The following MGMT variants were observed in gnomAD, a reference collection of about 807,000 sequenced individuals.
MGMT encodes the protein O-6-methylguanine-DNA methyltransferase, also known as methylated-DNA--protein-cysteine methyltransferase.
Under a neutral mutation model 15.9 loss-of-function variants are expected in MGMT, and 14 were observed. The observed-to-expected ratio is 0.88, with a 90% CI of 0.58 to 1.37. The LOEUF (loss-of-function observed/expected upper bound fraction) is 1.37. Ranked by LOEUF, MGMT falls within the 40% of genes most tolerant of loss-of-function variation. The pLI, the probability that MGMT is intolerant of heterozygous loss-of-function variation, is 0.00. For synonymous variants in MGMT, 130 were observed against 118.2 expected, an observed-to-expected ratio of 1.10 and a Z score of -0.65; for missense variants, 282 against 268.1, an observed-to-expected ratio of 1.05 and a Z score of -0.36.
At chr10:129,733,894 A>G (rs1297637553) in intron 3 of MGMT, among the ~76,000 whole-genome samples, 6 of 151,714 alleles carry the variant, frequency 4.0e-5, no homozygotes, top group Non-Finnish European at 7.4e-5. Context: ...ATTTCTGAGG[A>G]CTCTGTTCTG....
intron 2 of MGMT, among the ~76,000 whole-genome samples, chr10:129,705,110 G>A (rs1028257691): frequency 1.3e-5 from 2 of 152,228 alleles, no homozygotes; most frequent in Admixed American, 6.5e-5. Flanking sequence ...TGGTCATGGT[G>A]TCACCACGCA....
intron 3 of MGMT, among the ~76,000 whole-genome samples, chr10:129,708,668 A>G (rs1848196209): frequency 1.3e-5 from 2 of 152,248 alleles, no homozygotes; most frequent in South Asian, 2.1e-4. Flanking sequence ...AATTAATTAC[A>G]GCAACTAAAA....
In MGMT at chr10:129,759,284, C is replaced by G. The variant is rs749958415; in HGVS notation, c.357C>G (p.Ala119=). Reference sequence around the variant, plus strand: ...TGATTTCTTACCAGCAATTAGCAGCCCTGGCAGGCAACCCCAAAGCCGCGC... The same window carrying G: ...TGATTTCTTACCAGCAATTAGCAGCGCTGGCAGGCAACCCCAAAGCCGCGC... ...GEVISYQQLA[A]LAGNPKAARA... Residue 119 remains alanine (A), a synonymous_variant, in exon 4 of 5, where the codon GCC becomes GCG. Transcript: ENST00000651593. 1.9e-6 allele frequency: 3 copies of G among 1,614,086 alleles called. No individual in the cohort carries two copies. The highest frequency in any genetic ancestry group is 2.5e-6 in the Non-Finnish European group (3 of 1,180,036).
chr10:129,536,118 C>CAA, intron 1 of MGMT, 123 bp from the exon 2 acceptor site: 1 of 1,173,036 alleles, frequency 8.5e-7, no homozygotes, highest in East Asian at 2.5e-5. Context: ...CGTATAATTC[C>CAA]AAAAATGAGG....
intron 2 of MGMT, among the ~76,000 whole-genome samples, chr10:129,581,180 C>T (rs1476702446): frequency 5.9e-5 from 9 of 152,152 alleles, no homozygotes; most frequent in Non-Finnish European, 1.3e-4. Flanking sequence ...TGACCTGTCG[C>T]GGGCTGAGCT....
At chr10:129,731,172 G>A (rs7898151) in intron 3 of MGMT, among the ~76,000 whole-genome samples, 80,819 of 151,854 alleles carry the variant, frequency 0.53, 21,931 homozygotes, top group Middle Eastern at 0.7. Context: ...GGAGCCTACC[G>A]GGGCATTCCT....
At chr10:129,571,248 C>G (rs1846413798) in intron 2 of MGMT, among the ~76,000 whole-genome samples, 1 of 152,168 alleles carries the variant, frequency 6.6e-6, no homozygotes, top group African/African-American at 2.4e-5. Context: ...CATTTCTAAT[C>G]AAATCACCCA....
chr10:129,770,387 G>C lies in MGMT; in HGVS notation c.*3390G>C, dbSNP rs1176484863. The stretch of plus-strand genomic sequence containing the variant: ...CAGTGAGATTCTCGCAGCAATGTGA[G>C]GCATCCTCCTCACAGAAATGCATTT... On this transcript the variant is annotated 3_prime_UTR_variant, in exon 5 of 5. Transcript: ENST00000651593. Among the ~76,000 whole-genome samples the C allele has an allele frequency of 6.6e-6, 1 of 152,210 alleles. No homozygotes were observed. Among genetic ancestry groups the C allele is most frequent in the Admixed American group, 6.5e-5 (1 of 15,284 alleles).
At chr10:129,675,621 C>G (rs1847776793) in intron 2 of MGMT, among the ~76,000 whole-genome samples, 1 of 152,034 alleles carries the variant, frequency 6.6e-6, no homozygotes, top group African/African-American at 2.4e-5. Flanking sequence ...TTGTTGAGGT[C>G]CAGGGAACCA....
intron 3 of MGMT, among the ~76,000 whole-genome samples, chr10:129,749,401 G>A (rs77506236): frequency 8.2e-4 from 125 of 152,102 alleles, no homozygotes; most frequent in Non-Finnish European, 1.4e-3. Flanking sequence ...TAGCCTTTTC[G>A]GCTGGCTTCC....
chr10:129,702,069 T>C (rs1328340921), intron 2 of MGMT: 1 of 152,144 alleles, frequency 6.6e-6, no homozygotes, highest in Non-Finnish European at 1.5e-5. Context: ...ACATTGTTTT[T>C]CCAAGCCGGG....
chr10:129,639,747 G>T (rs187163699), intron 2 of MGMT, among the ~76,000 whole-genome samples: 120 of 152,154 alleles, frequency 7.9e-4, no homozygotes, highest in African/African-American at 2.7e-3. Flanking sequence ...TCAAAACAAT[G>T]ATCTAAGCTG....
intron 1 of MGMT, among the ~76,000 whole-genome samples, chr10:129,505,443 A>C (rs1845615817): frequency 6.6e-6 from 1 of 152,208 alleles, no homozygotes; most frequent in South Asian, 2.1e-4. Context: ...TAAAGTAAAA[A>C]CTGAGATTCC....
intron 1 of MGMT, among the ~76,000 whole-genome samples, chr10:129,483,082 G>T (rs1002420082): frequency 3.3e-5 from 5 of 151,962 alleles, no homozygotes; most frequent in Non-Finnish European, 7.4e-5. Flanking sequence ...TTCTTTTTTA[G>T]TGGCTGCTTT....
chr10:129,482,193 GA>G (rs1845366049), intron 1 of MGMT, among the ~76,000 whole-genome samples: 1 of 152,100 alleles, frequency 6.6e-6, no homozygotes, highest in African/African-American at 2.4e-5. Flanking sequence ...TAATTTCCAA[GA>G]ATTTGGGGAT....
chr10:129,554,023 G>T (rs1846186814), intron 2 of MGMT, among the ~76,000 whole-genome samples: 1 of 152,252 alleles, frequency 6.6e-6, no homozygotes, highest in African/African-American at 2.4e-5. Flanking sequence ...GCAGGAGGGA[G>T]CTGGGCAGCT....
chr10:129,596,151 C>G (rs967197045), intron 2 of MGMT, among the ~76,000 whole-genome samples: 1 of 150,474 alleles, frequency 6.6e-6, no homozygotes, highest in African/African-American at 2.4e-5. Flanking sequence ...TAAATTTTGA[C>G]ATTATGTGAG....
intron 3 of MGMT, among the ~76,000 whole-genome samples, chr10:129,730,752 C>A (rs1378944722): frequency 2.0e-5 from 3 of 152,076 alleles, no homozygotes; most frequent in African/African-American, 4.8e-5. Context: ...TGCTATTGTT[C>A]AGAAACCATT....
chr10:129,502,514 T>A (rs1845584757), intron 1 of MGMT, among the ~76,000 whole-genome samples: 1 of 152,132 alleles, frequency 6.6e-6, no homozygotes, highest in Non-Finnish European at 1.5e-5. Flanking sequence ...AATGATCACA[T>A]AATTGTTTTA....
Sources: allele counts gnomAD v4.1 joint callset (sites outside exome capture counted in the v4.1 genomes callset), GRCh38; gene constraint gnomAD v4.1.1; transcripts MANE v1.5; gene names NCBI Gene and HGNC (gene_info 2026-07-23, HGNC 2026-07-21).